ANKRD13C: variants seen among roughly 807,000 people sequenced by gnomAD.
ANKRD13C encodes the protein ankyrin repeat domain-containing protein 13C.
A neutral mutation model predicts 65.5 loss-of-function variants in ANKRD13C; 16 were observed. The observed-to-expected ratio is 0.24, with a 90% CI of 0.17 to 0.37. ANKRD13C has a LOEUF of 0.37. ANKRD13C is among the 10% of genes least tolerant of loss of function. ANKRD13C has a pLI of 1.00. For synonymous variants in ANKRD13C, 235 were observed against 238.7 expected, an observed-to-expected ratio of 0.98 and a Z score of 0.14; for missense variants, 503 against 655.9, an observed-to-expected ratio of 0.77 and a Z score of 2.55.
chr1:70,306,706 A>G (rs919536560), intron 5 of ANKRD13C, among the ~76,000 whole-genome samples: 6 of 152,212 alleles, frequency 3.9e-5, no homozygotes, highest in African/African-American at 1.4e-4. Context: ...GTATAATAGA[A>G]AGAGACATCT....
intron 9 of ANKRD13C, among the ~76,000 whole-genome samples, chr1:70,283,609 G>A (rs544779836): frequency 6.6e-5 from 10 of 152,048 alleles, no homozygotes; most frequent in Admixed American, 6.5e-5. Context: ...GAGGTCAGGA[G>A]TTCGAGACCA....
intron 12 of ANKRD13C, among the ~76,000 whole-genome samples, chr1:70,264,929 T>C (rs1281985903): frequency 6.6e-6 from 1 of 152,166 alleles, no homozygotes; most frequent in African/African-American, 2.4e-5. Context: ...TGCAGTTGCC[T>C]GGAGGACGAA....
rs116327246 is a variant in ANKRD13C, at chr1:70,299,883, G to A, written c.921+881C>T. Among the ~76,000 whole-genome samples the A allele has an allele frequency of 2.6e-3, 401 of 152,244 alleles. 3 individuals are homozygous for A. The highest frequency in any genetic ancestry group is 9.3e-3 in the African/African-American group (388 of 41,532). On this transcript the variant is annotated intron_variant, in intron 7 of 12. Transcript: ENST00000370944. ...GTAAATCATCAACCTATAGGACTGT[G>A]GGAATGGAAGGGATTATTCTGGCAG...
At chr1:70,338,992 T>C (rs972432318) in intron 1 of ANKRD13C, among the ~76,000 whole-genome samples, 1 of 152,058 alleles carries the variant, frequency 6.6e-6, no homozygotes, top group African/African-American at 2.4e-5. Flanking sequence ...AAAGCTGAAG[T>C]GAACATCTCA....
chr1:70,315,625 A>G, intron 3 of ANKRD13C, 59 bp from the exon 4 acceptor site: 1 of 1,347,948 alleles, frequency 7.4e-7, no homozygotes, highest in Non-Finnish European at 1.0e-6. Flanking sequence ...TAAAAACACC[A>G]CTGGCTTATT....
intron 1 of ANKRD13C, among the ~76,000 whole-genome samples, chr1:70,339,996 C>T (rs1178190900): frequency 1.3e-5 from 2 of 151,596 alleles, no homozygotes; most frequent in African/African-American, 4.8e-5. Context: ...ATTACAGGCA[C>T]ACACCACCAC....
chr1:70,318,739 G>T (rs1393564254), intron 3 of ANKRD13C, among the ~76,000 whole-genome samples: 3 of 138,008 alleles, frequency 2.2e-5, no homozygotes, highest in Non-Finnish European at 3.0e-5. Flanking sequence ...CTGGAATGCA[G>T]CGGCGCAATC....
intron 7 of ANKRD13C, 39 bp downstream of exon 7, chr1:70,300,725 T>A (rs1476220822): frequency 1.3e-6 from 2 of 1,497,710 alleles, no homozygotes; most frequent in South Asian, 1.4e-5. Flanking sequence ...ACTTTTTTTT[T>A]AATGATTTAA....
Position 70,315,530 on chromosome 1 carries a change from C to T in ANKRD13C, c.614G>A (p.Arg205Lys). 2 of 1,608,796 alleles carry T rather than the reference C, an allele frequency of 1.2e-6. No homozygotes were observed. The highest frequency in any genetic ancestry group is 1.7e-5 in the Admixed American group (1 of 59,864). ...ALLRKLKQQS[R>K]ESVEEKRPRL... ...AGGTCGTTTTTCTTCAACACTTTCCCTGGATTGCTGCTTAAGCTTCCTCAA... is the reference window on the plus strand; with the variant it reads ...AGGTCGTTTTTCTTCAACACTTTCCTTGGATTGCTGCTTAAGCTTCCTCAA... The change falls in exon 4 of 13, where the codon AGG becomes AAG. Residue 205 changes from arginine (R) to lysine (K), a missense_variant. This residue lies in a region of ANKRD13C where 300 missense variants were observed against 478.3 expected (regional missense o/e 0.63). Transcript: ENST00000370944.
At chr1:70,321,963 T>A (rs1188752090) in intron 3 of ANKRD13C, among the ~76,000 whole-genome samples, 1 of 152,180 alleles carries the variant, frequency 6.6e-6, no homozygotes, top group Non-Finnish European at 1.5e-5. Flanking sequence ...CATAAAATGT[T>A]AATGTAACAC....
At chr1:70,332,597 T>C (rs1276580210) in intron 2 of ANKRD13C, among the ~76,000 whole-genome samples, 1 of 152,058 alleles carries the variant, frequency 6.6e-6, no homozygotes, top group African/African-American at 2.4e-5. Flanking sequence ...TCCCAAATAG[T>C]TGGGATTACA....
chr1:70,313,904 A>G, intron 4 of ANKRD13C, 114 bp from the exon 5 acceptor site: 1 of 667,256 alleles, frequency 1.5e-6, no homozygotes, highest in Non-Finnish European at 2.6e-6. Flanking sequence ...ATACTTAATT[A>G]CAAAGGAAAA....
chr1:70,301,202 CACACACACATATATATAT>C (rs541077989), intron 6 of ANKRD13C, among the ~76,000 whole-genome samples: 154 of 146,832 alleles, frequency 1.0e-3, no homozygotes, highest in African/African-American at 3.9e-3. Context: ...TATACACATA[CACACACACATATATATAT>C]ACACACACAT....
At chr1:70,345,424 C>T (rs866645594) in intron 1 of ANKRD13C, among the ~76,000 whole-genome samples, 27 of 150,156 alleles carry the variant, frequency 1.8e-4, no homozygotes, top group Admixed American at 1.3e-4. Flanking sequence ...AGCAATATTC[C>T]GTCTCAAAAA....
At chr1:70,293,674 C>T in intron 8 of ANKRD13C, 1 of 410,534 alleles carries the variant, frequency 2.4e-6, no homozygotes. Flanking sequence ...AACAAATGGA[C>T]TGCAATGTAG....
At chr1:70,286,647 C>G (rs142158896) in intron 9 of ANKRD13C, among the ~76,000 whole-genome samples, 1 of 152,242 alleles carries the variant, frequency 6.6e-6, no homozygotes, top group African/African-American at 2.4e-5. Flanking sequence ...TCTTTATTAT[C>G]TGATGACATA....
intron 11 of ANKRD13C, among the ~76,000 whole-genome samples, chr1:70,273,530 G>A (rs1468168172): frequency 6.6e-6 from 1 of 152,152 alleles, no homozygotes; most frequent in Non-Finnish European, 1.5e-5. Context: ...GTTGAAAATG[G>A]TGACAAACTA....
At chr1:70,326,231 CAAAAAAAAAAAAAAAAAAAAAA>C (rs59618915) in intron 2 of ANKRD13C, among the ~76,000 whole-genome samples, 1 of 31,068 alleles carries the variant, frequency 3.2e-5, no homozygotes, top group African/African-American at 1.0e-4. Flanking sequence ...AACTCTGTCT[CAAAAAAAAAAAAAAAAAAAAAA>C]AAAAAAAAAA....
At position 70,317,884 on chromosome 1, in the gene ANKRD13C, AT is replaced by A. The variant is rs57176220; in HGVS notation, c.578-2319del. ...TTTCAATAAAAAGCAGAGGCTACAT[AT>A]TTTTTTATCAGCCTGATTTTATTAA... On this transcript the variant is annotated intron_variant, in intron 3 of 12. Coordinates refer to ENST00000370944, the MANE Select transcript of ANKRD13C (RefSeq NM_030816.5). Among the ~76,000 whole-genome samples the A allele has an allele frequency of 5.3e-3, 814 of 152,244 alleles. 10 individuals carry two copies. The highest frequency in any genetic ancestry group is 0.019 in the African/African-American group (783 of 41,556).
Sources: gnomAD v4.1 joint callset for allele counts (sites outside exome capture counted in the v4.1 genomes callset) on GRCh38, gnomAD v4.1.1 for gene constraint, gnomAD v4.1.1 regional missense constraint, MANE v1.5 for transcripts, NCBI Gene and HGNC (gene_info 2026-07-23, HGNC 2026-07-21) for gene names.